Variants in COX7B2 observed in about 807,000 individuals in gnomAD.
COX7B2 encodes cytochrome c oxidase subunit 7B2, also known as cytochrome c oxidase subunit 7B2, mitochondrial.
For missense variants in COX7B2, 109 were observed against 95.9 expected (o/e 1.14, Z -0.57); for synonymous variants, 37 against 32.1 (o/e 1.15, Z -0.51).
At chr4:46,751,133 A>C (rs1715345742) in intron 2 of COX7B2, among the ~76,000 whole-genome samples, 1 of 134,048 alleles carries the variant, frequency 7.5e-6, no homozygotes, top group South Asian at 2.8e-4. Context: ...TTCTTCCCAA[A>C]GATTTTTTTT....
At chr4:46,883,766 A>G (rs1005470319) in intron 1 of COX7B2, among the ~76,000 whole-genome samples, 41 of 143,038 alleles carry the variant, frequency 2.9e-4, no homozygotes, top group South Asian at 7.2e-4. Context: ...TATTAATCAG[A>G]ATAAACCTTT....
At chr4:46,819,207 A>G (rs750119388) in intron 2 of COX7B2, among the ~76,000 whole-genome samples, 9 of 152,162 alleles carry the variant, frequency 5.9e-5, no homozygotes, top group Non-Finnish European at 1.2e-4. Context: ...ATGAGGGTAA[A>G]TTTGATCTGG....
intron 2 of COX7B2, among the ~76,000 whole-genome samples, chr4:46,840,977 C>CA (rs1715889423): frequency 6.6e-6 from 1 of 151,836 alleles, no homozygotes; most frequent in Admixed American, 6.6e-5. Context: ...TGCATAAAGA[C>CA]AAAGGGAGGC....
chr4:46,774,767 T>C (rs1244564550), intron 2 of COX7B2, among the ~76,000 whole-genome samples: 1 of 152,064 alleles, frequency 6.6e-6, no homozygotes, highest in African/African-American at 2.4e-5. Flanking sequence ...ATATGGTAGC[T>C]GATAATAAGC....
chr4:46,802,894 A>G (rs1273995247), intron 2 of COX7B2, among the ~76,000 whole-genome samples: 1 of 152,150 alleles, frequency 6.6e-6, no homozygotes, highest in African/African-American at 2.4e-5. Flanking sequence ...AGATTGTACT[A>G]AAGGGGGATT....
chr4:46,876,295 G>A (rs574665644), intron 1 of COX7B2, among the ~76,000 whole-genome samples: 252 of 151,958 alleles, frequency 1.7e-3, no homozygotes, highest in Non-Finnish European at 3.0e-3. Context: ...AAAACTGTAG[G>A]TTAAATATAC....
At chr4:46,783,486 T>C (rs1717591179) in intron 2 of COX7B2, among the ~76,000 whole-genome samples, 1 of 152,216 alleles carries the variant, frequency 6.6e-6, no homozygotes, top group South Asian at 2.1e-4. Flanking sequence ...TATTAATACA[T>C]GTATTACACT....
intron 2 of COX7B2, among the ~76,000 whole-genome samples, chr4:46,739,296 G>A (rs763676835): frequency 1.3e-5 from 2 of 151,966 alleles, no homozygotes; most frequent in African/African-American, 2.4e-5. Flanking sequence ...TTCTTAAAGT[G>A]TATTCAACTC....
intron 2 of COX7B2, among the ~76,000 whole-genome samples, chr4:46,751,548 C>A (rs28656410): frequency 0.33 from 49,746 of 151,930 alleles, 8,409 homozygotes; most frequent in South Asian, 0.47. Context: ...AAAACAGATG[C>A]ATTTTTTGCC....
chr4:46,764,591 A>T (rs1362578310), intron 2 of COX7B2, among the ~76,000 whole-genome samples: 1 of 148,482 alleles, frequency 6.7e-6, no homozygotes, highest in Non-Finnish European at 1.5e-5. Flanking sequence ...GCCACATTGA[A>T]ATGTACACAT....
At chr4:46,818,067 A>G (rs756917272) in intron 2 of COX7B2, among the ~76,000 whole-genome samples, 5 of 152,246 alleles carry the variant, frequency 3.3e-5, no homozygotes, top group Middle Eastern at 3.2e-3. Context: ...TACAAAAGGT[A>G]AGTACACTGG....
chr4:46,742,293 T>G (rs1055405435), intron 2 of COX7B2, among the ~76,000 whole-genome samples: 1 of 152,148 alleles, frequency 6.6e-6, no homozygotes, highest in Non-Finnish European at 1.5e-5. Flanking sequence ...ACTCTTCTTT[T>G]TACAGCTTCA....
At chr4:46,758,576 AT>A (rs1277995828) in intron 2 of COX7B2, among the ~76,000 whole-genome samples, 1 of 152,192 alleles carries the variant, frequency 6.6e-6, no homozygotes. Context: ...AAAATAACTT[AT>A]AAGAAAGCTG....
In COX7B2 at chr4:46,826,603, A is replaced by G. The variant is rs192275959; in HGVS notation, c.-50+18357T>C. On this transcript the variant is annotated intron_variant, in intron 2 of 2. Coordinates refer to ENST00000355591, the MANE Select transcript of COX7B2 (RefSeq NM_130902.3). ...CTATGCACAACAGCAAAGACATGGA[A>G]TCAATCTATATGCCCATCAATGACA... Among the ~76,000 whole-genome samples the G allele has an allele frequency of 2.7e-3, 411 of 152,326 alleles. 1 individual carries two copies. The highest frequency in any genetic ancestry group is 4.4e-3 in the Non-Finnish European group (298 of 68,012).
intron 2 of COX7B2, among the ~76,000 whole-genome samples, chr4:46,769,478 T>A (rs929535027): frequency 6.6e-6 from 1 of 152,144 alleles, no homozygotes; most frequent in Non-Finnish European, 1.5e-5. Context: ...ACGCCTGTGA[T>A]CACAGGCAGG....
At chr4:46,833,848 G>A (rs1171987290) in intron 2 of COX7B2, among the ~76,000 whole-genome samples, 1 of 152,150 alleles carries the variant, frequency 6.6e-6, no homozygotes, top group African/African-American at 2.4e-5. Context: ...GATATGGTGG[G>A]TTGACAGAAA....
intron 2 of COX7B2, among the ~76,000 whole-genome samples, chr4:46,792,853 T>C (rs1172170110): frequency 4.6e-5 from 7 of 152,206 alleles, no homozygotes; most frequent in African/African-American, 1.7e-4. Context: ...TTTGATTAGC[T>C]TTAAGATGCT....
intron 2 of COX7B2, among the ~76,000 whole-genome samples, chr4:46,822,875 T>C (rs183668428): frequency 3.8e-4 from 58 of 152,344 alleles, no homozygotes; most frequent in African/African-American, 1.4e-3. Flanking sequence ...GTTTTATCTT[T>C]AGATAACAAA....
chr4:46,751,647 A>G (rs1198845802), intron 2 of COX7B2, among the ~76,000 whole-genome samples: 2 of 152,190 alleles, frequency 1.3e-5, no homozygotes, highest in Non-Finnish European at 2.9e-5. Context: ...TATAAAATAT[A>G]CAGTGATATA....
Sources: allele counts gnomAD v4.1 joint callset (sites outside exome capture counted in the v4.1 genomes callset), GRCh38; gene constraint gnomAD v4.1.1; transcripts MANE v1.5; gene names NCBI Gene and HGNC (gene_info 2026-07-23, HGNC 2026-07-21).